SLC8A2: variants seen among roughly 807,000 people sequenced by gnomAD.
The protein encoded by SLC8A2 is sodium/calcium exchanger 2.
SLC8A2 carries 14 observed loss-of-function variants against 70.2 expected under a neutral mutation model. The observed-to-expected ratio is 0.20, with a 90% CI of 0.13 to 0.31. The LOEUF (loss-of-function observed/expected upper bound fraction) is 0.31. SLC8A2 is among the 10% of genes least tolerant of loss of function. The pLI, the probability that SLC8A2 is intolerant of heterozygous loss-of-function variation, is 1.00. For synonymous variants in SLC8A2, 575 were observed against 594.3 expected (o/e 0.97, Z 0.47); for missense variants, 779 against 1,320.1 (o/e 0.59, Z 6.35).
intron 2 of SLC8A2, among the ~76,000 whole-genome samples, chr19:47,457,797 T>TCTTCCTTCCTTC (rs146183606): frequency 6.3e-5 from 6 of 94,914 alleles, no homozygotes; most frequent in African/African-American, 1.4e-4. Flanking sequence ...TTTTCTTTTC[T>TCTTCCTTCCTTC]CTTCCTTCCT....
chr19:47,441,300 C>G, intron 5 of SLC8A2, 37 bp downstream of exon 5: 11 of 1,585,974 alleles, frequency 6.9e-6, no homozygotes, highest in Non-Finnish European at 9.5e-6. Context: ...GACCCTGGAC[C>G]CCTTACTTCT....
chr19:47,457,814 C>CTTCT (rs768051970), intron 2 of SLC8A2, among the ~76,000 whole-genome samples: 1 of 143,246 alleles, frequency 7.0e-6, no homozygotes, highest in East Asian at 2.0e-4. Flanking sequence ...TCCTTTCTTC[C>CTTCT]TTCTTTCTCT....
intron 3 of SLC8A2, among the ~76,000 whole-genome samples, chr19:47,455,670 C>T (rs925746463): frequency 2.2e-4 from 33 of 152,128 alleles, no homozygotes; most frequent in African/African-American, 7.7e-4. Context: ...AGCTATAAGT[C>T]TTAAAATAGT....
chr19:47,428,432 A>G lies in SLC8A2; in HGVS notation c.*1657T>C, dbSNP rs1390973298. The stretch of plus-strand genomic sequence containing the variant: ...TGGATGGGGGTGTGGCTAGTGGAAG[A>G]GCTAGGCTGACGGATGGGGGCGTGG... On this transcript the variant is annotated 3_prime_UTR_variant, in exon 10 of 10. Transcript: ENST00000236877. The G allele has an allele frequency of 7.4e-6, 1 of 135,886 alleles. No individual in the cohort carries two copies. The allele number at this position is 135,886 out of a possible 1,614,324, so 8.4% of individuals were successfully genotyped here. A position where few individuals can be genotyped will look rare whatever the true frequency, so the allele number is the denominator to read the frequency against.
chr19:47,450,023 A>C (rs575525041), intron 3 of SLC8A2, among the ~76,000 whole-genome samples: 1 of 152,252 alleles, frequency 6.6e-6, no homozygotes, highest in East Asian at 1.9e-4. Context: ...GTGACATTAG[A>C]TTACTCAGAG....
rs1172375530 is a variant in SLC8A2, at chr19:47,468,890, A to G, written c.-16-2471T>C. 6.6e-6 allele frequency among the ~76,000 whole-genome samples: 1 copy of G among 152,144 alleles called. No individual in the cohort carries two copies. The highest frequency in any genetic ancestry group is 2.4e-5 in the African/African-American group (1 of 41,418). ...ATCAAAAAGAGAAGGAGAGAGGAAG[A>G]GAGGTGTCCTGGGAACCTCCACCCT... On this transcript the variant is annotated intron_variant, in intron 1 of 9. Transcript: ENST00000236877. This position sits in a 1 kb window ranked among gnomAD's most constrained non-coding sequence, Gnocchi z 5.1.
In SLC8A2 at chr19:47,432,763, G is replaced by A. The variant is rs949466516; in HGVS notation, c.2111-318C>T. ...GAGCTAGGGGCATGACTGAGTCCAG[G>A]TAAAAAAATTTTACTTTCCCAGAAT... On this transcript the variant is annotated intron_variant, in intron 8 of 9. Transcript: ENST00000236877. This position sits in a 1 kb window ranked among gnomAD's most constrained non-coding sequence, Gnocchi z 6.2. Among the ~76,000 whole-genome samples, 1 of 151,456 alleles carries A rather than the reference G, an allele frequency of 6.6e-6. No individual in the cohort carries two copies. The highest frequency in any genetic ancestry group is 1.5e-5 in the Non-Finnish European group (1 of 67,926).
chr19:47,441,778 A>G lies in SLC8A2; in HGVS notation c.1764-338T>C, dbSNP rs140637388. On this transcript the variant is annotated intron_variant, in intron 4 of 9. Coordinates refer to ENST00000236877, the MANE Select transcript of SLC8A2 (RefSeq NM_015063.3). ...CAAGACCAGCCTGGGCAATATATTG[A>G]GAGCCCATCTCTATTTATATTAAAT... Among the ~76,000 whole-genome samples the G allele has an allele frequency of 8.8e-3, 1,342 of 152,294 alleles. 34 individuals are homozygous for G. Among genetic ancestry groups the G allele is most frequent in the African/African-American group, 0.03 (1,267 of 41,542 alleles).
intron 2 of SLC8A2, among the ~76,000 whole-genome samples, chr19:47,459,800 TGC>T (rs970736161): frequency 6.6e-6 from 1 of 152,080 alleles, no homozygotes; most frequent in African/African-American, 2.4e-5. Context: ...TGTGTGTGTG[TGC>T]GCACATGTGT....
At position 47,466,925 on chromosome 19, in the gene SLC8A2, C is replaced by T. The variant is rs574777584; in HGVS notation, c.-16-506G>A. Among the ~76,000 whole-genome samples the T allele has an allele frequency of 2.6e-5, 4 of 152,102 alleles. No homozygotes were observed. The highest frequency in any genetic ancestry group is 3.9e-4 in the East Asian group (2 of 5,178). ...TACAAAAATTAGCTGGGCAGGGTGGCGGGAGCCTGTAACCCCAGCTACTCG... is the reference window on the plus strand; with the variant it reads ...TACAAAAATTAGCTGGGCAGGGTGGTGGGAGCCTGTAACCCCAGCTACTCG... On this transcript the variant is annotated intron_variant, in intron 1 of 9. Coordinates refer to ENST00000236877, the MANE Select transcript of SLC8A2 (RefSeq NM_015063.3). This position sits in a 1 kb window ranked among gnomAD's most constrained non-coding sequence, Gnocchi z 6.9.
At chr19:47,433,405 G>A (rs971292781) in intron 8 of SLC8A2, among the ~76,000 whole-genome samples, 4 of 152,194 alleles carry the variant, frequency 2.6e-5, no homozygotes, top group Non-Finnish European at 4.4e-5. Context: ...CACTTTCCCA[G>A]AATCCCTTGC....
chr19:47,445,404 C>G (rs1044911502), intron 4 of SLC8A2, among the ~76,000 whole-genome samples: 1 of 152,112 alleles, frequency 6.6e-6, no homozygotes, highest in African/African-American at 2.4e-5. Flanking sequence ...CCACCGTGCC[C>G]GACCTCTAAG....
At chr19:47,452,619 G>T (rs1364681440) in intron 3 of SLC8A2, among the ~76,000 whole-genome samples, 1 of 151,920 alleles carries the variant, frequency 6.6e-6, no homozygotes, top group Non-Finnish European at 1.5e-5. Flanking sequence ...TAGAAGCCAG[G>T]CATCAGAATC....
chr19:47,437,741 C>T, intron 7 of SLC8A2, 108 bp downstream of exon 7: 1 of 1,375,670 alleles, frequency 7.3e-7, no homozygotes, highest in Non-Finnish European at 1.0e-6. Flanking sequence ...TGACGTGGGA[C>T]CCTTCTTTGG....
chr19:47,435,550 G>GTT (rs895524785), intron 8 of SLC8A2, among the ~76,000 whole-genome samples: 29,419 of 133,116 alleles, frequency 0.22, 5,628 homozygotes, highest in African/African-American at 0.52. Context: ...TCTTTTCTTC[G>GTT]TTTTTTTTTT....
chr19:47,444,214 C>T (rs1200787237), intron 4 of SLC8A2, among the ~76,000 whole-genome samples: 3 of 152,050 alleles, frequency 2.0e-5, no homozygotes, highest in African/African-American at 7.2e-5. Context: ...TATCTGGATT[C>T]TTCTCTCCCT....
chr19:47,461,493 A>C (rs1967394736), intron 2 of SLC8A2, among the ~76,000 whole-genome samples: 1 of 152,200 alleles, frequency 6.6e-6, no homozygotes, highest in South Asian at 2.1e-4. Flanking sequence ...TGGGGGACAG[A>C]GTGAGACTCC....
At chr19:47,438,007 G>A (rs374309100) in intron 6 of SLC8A2, 34 bp from the exon 7 acceptor site, 6 of 1,613,098 alleles carry the variant, frequency 3.7e-6, no homozygotes, top group Admixed American at 3.3e-5. Flanking sequence ...AGACTCCTGG[G>A]AGACCTACCT....
chr19:47,464,321 A>G (rs542525976), intron 2 of SLC8A2, among the ~76,000 whole-genome samples: 72 of 152,284 alleles, frequency 4.7e-4, no homozygotes, highest in Non-Finnish European at 8.8e-4. Flanking sequence ...CATGTTGGCC[A>G]GGCTGGTCTC....
Sources: allele counts gnomAD v4.1 joint callset (sites outside exome capture counted in the v4.1 genomes callset), GRCh38; gene constraint gnomAD v4.1.1; non-coding constraint Gnocchi (gnomAD v3.1); transcripts MANE v1.5; gene names NCBI Gene and HGNC (gene_info 2026-07-23, HGNC 2026-07-21).